TCF3: variants seen among roughly 807,000 people sequenced by gnomAD.
The protein encoded by TCF3 is transcription factor E2-alpha.
A neutral mutation model predicts 72.3 loss-of-function variants in TCF3; 54 were observed. That is an observed-to-expected ratio of 0.75 (90% CI 0.60 to 0.94). The LOEUF (loss-of-function observed/expected upper bound fraction) is 0.94. TCF3 is among the 40% of genes least tolerant of loss of function. The pLI, the probability that TCF3 is intolerant of heterozygous loss-of-function variation, is 0.00. For missense variants in TCF3, 1,078 were observed against 934.4 expected, an observed-to-expected ratio of 1.15 and a Z score of -2.00; for synonymous variants, 525 against 412.6, an observed-to-expected ratio of 1.27 and a Z score of -3.30.
In TCF3 at chr19:1,622,424, GGGTGGGC is replaced by G; in HGVS notation, c.550-16_550-10del. The G allele has an allele frequency of 2.1e-6, 3 of 1,404,168 alleles. No homozygotes were observed. The highest frequency in any genetic ancestry group is 2.8e-6 in the Non-Finnish European group (3 of 1,057,922). The allele number at this position is 1,404,168 out of a possible 1,614,324, so 87.0% of individuals were successfully genotyped here. ...GAGCTGGGTGGGTACACCTGCGGGC[GGGTGGGC>G]GGTGGGGGGTGCAGTCAGGACGGAG... is the stretch of plus-strand genomic sequence containing the variant. On this transcript the variant is annotated splice_polypyrimidine_tract_variant and intron_variant, in intron 8 of 18. Transcript: ENST00000262965.
At chr19:1,649,083 C>A (rs372988658) in intron 2 of TCF3, among the ~76,000 whole-genome samples, 1 of 152,210 alleles carries the variant, frequency 6.6e-6, no homozygotes, top group Non-Finnish European at 1.5e-5. Context: ...GAGAATGGGC[C>A]GTACAGGGAC....
intron 18 of TCF3, among the ~76,000 whole-genome samples, chr19:1,613,247 CTG>C (rs984964429): frequency 2.0e-5 from 3 of 152,148 alleles, no homozygotes; most frequent in Admixed American, 6.5e-5. Context: ...GGTGGGGCGC[CTG>C]TGTGTGTACG....
At chr19:1,631,924 C>A (rs754027657) in intron 5 of TCF3, 114 bp downstream of exon 5, 32 of 1,543,720 alleles carry the variant, frequency 2.1e-5, no homozygotes, top group Non-Finnish European at 2.6e-5. Flanking sequence ...GCTGTCCACA[C>A]CCTCTGGGTG....
rs551994289 is a variant in TCF3, at chr19:1,610,755, G to A, written c.*952C>T. 1 of 232,268 alleles carries A rather than the reference G, an allele frequency of 4.3e-6. No individual in the cohort carries two copies. The highest frequency in any genetic ancestry group is 2.2e-5 in the African/African-American group (1 of 45,330). The allele number at this position is 232,268 out of a possible 1,614,324, so 14.4% of individuals were successfully genotyped here. ...GCTGACGTCCCTTCCCCCAAGCCCA[G>A]GTCAGTCCCCTTCCTGAGGGGAGAG... On this transcript the variant is annotated 3_prime_UTR_variant, in exon 19 of 19. Transcript: ENST00000262965.
rs2066102662 is a variant in TCF3 at position 1,646,397 on chromosome 19, C to T, written c.103G>A (p.Gly35Ser). 1.3e-6 allele frequency: 2 copies of T among 1,550,308 alleles called. No homozygotes were observed. The highest frequency in any genetic ancestry group is 1.7e-6 in the Non-Finnish European group (2 of 1,146,704). Residue 35 changes from glycine (G) to serine (S), a missense_variant, in exon 3 of 19, where the codon GGC (glycine) becomes AGC (serine). By Grantham distance (56) the Gly-to-Ser change is moderately conservative. Transcript: ENST00000262965. ...MFPLPVTNGK[G>S]RPASLAGAQF... ...GCCCCGGCCAGGGAGGCGGGCCGGC[C>T]CTTCCCGTTGGTGACAGGCAGCGGG...
chr19:1,623,486 C>A (rs764884607), intron 8 of TCF3, among the ~76,000 whole-genome samples: 9 of 149,024 alleles, frequency 6.0e-5, no homozygotes, highest in African/African-American at 2.0e-4. Context: ...TGGGTTCAAA[C>A]GATTCTTCTG....
intron 16 of TCF3, among the ~76,000 whole-genome samples, chr19:1,616,888 AC>A (rs1260227023): frequency 6.6e-6 from 1 of 152,156 alleles, no homozygotes; most frequent in Non-Finnish European, 1.5e-5. Flanking sequence ...AATAGAAGAC[AC>A]CCACCACAGA....
At chr19:1,638,623 G>A (rs2064802431) in intron 3 of TCF3, among the ~76,000 whole-genome samples, 1 of 152,230 alleles carries the variant, frequency 6.6e-6, no homozygotes, top group Admixed American at 6.5e-5. Flanking sequence ...CCTTCTCACA[G>A]AAGGGGGCAG....
In TCF3 at chr19:1,652,602, G is replaced by A. The variant is rs1342781033; in HGVS notation, c.-342C>T. The A allele has an allele frequency of 6.8e-6, 1 of 148,058 alleles. No homozygotes were observed. Among genetic ancestry groups the A allele is most frequent in the Non-Finnish European group, 1.5e-5 (1 of 66,260 alleles). 9.2% of individuals were successfully genotyped at this position (148,058 alleles called of 1,614,324 possible). ...CGCCGCTGCCTCATCTTCCTGCGGC[G>A]GGAGACATGTTCCGCCCCCCGCCCG... is the stretch of plus-strand genomic sequence containing the variant. On this transcript the variant is annotated 5_prime_UTR_variant, in exon 1 of 19. Transcript: ENST00000262965.
intron 2 of TCF3, among the ~76,000 whole-genome samples, chr19:1,647,565 G>A (rs1008052952): frequency 6.6e-6 from 1 of 152,178 alleles, no homozygotes; most frequent in Non-Finnish European, 1.5e-5. Context: ...GCGGGTAGGG[G>A]TGGCACCCGC....
chr19:1,622,415 C>A lies in TCF3; in HGVS notation c.550G>T (p.Val184Leu), dbSNP rs2062353385. Residue 184 changes from valine (V) to leucine (L), a missense_variant and splice_region_variant, in exon 9 of 19, where the codon GTG (valine) becomes TTG (leucine). Transcript: ENST00000262965. Reference sequence around the variant, plus strand: ...TCCTCACCTGAGCTGGGTGGGTACACCTGCGGGCGGGTGGGCGGTGGGGGG... The same window carrying A: ...TCCTCACCTGAGCTGGGTGGGTACAACTGCGGGCGGGTGGGCGGTGGGGGG... Reference protein sequence around the residue: ...RKVPPGLPSSVYPPSSGEDYG... With the variant: ...RKVPPGLPSSLYPPSSGEDYG... 1.4e-6 allele frequency: 2 copies of A among 1,461,142 alleles called. No homozygotes were observed. The highest frequency in any genetic ancestry group is 2.6e-5 in the Admixed American group (1 of 38,974). The allele number at this position is 1,461,142 out of a possible 1,614,324, so 90.5% of individuals were successfully genotyped here.
rs1568482770 is a variant in TCF3, at chr19:1,642,166, GCACGCGT to G, written c.145+4182_145+4188del. Among the ~76,000 whole-genome samples, 77 of 135,210 alleles carry G rather than the reference GCACGCGT, an allele frequency of 5.7e-4. 1 individual carries two copies. The South Asian group carries it at 0.018, about 31-fold the overall frequency. The allele number at this position is 135,210 out of a possible 152,430, so 88.7% of individuals were successfully genotyped here. On this transcript the variant is annotated intron_variant, in intron 3 of 18. Coordinates refer to ENST00000262965, the MANE Select transcript of TCF3 (RefSeq NM_003200.5). ...CACACACACACACACACACACACAC[GCACGCGT>G]ACACACACGCACGCAGACACAGACG...
intron 18 of TCF3, 94 bp from the exon 19 acceptor site, chr19:1,611,943 G>A (rs1224062054): frequency 2.7e-6 from 1 of 364,938 alleles, no homozygotes; most frequent in Non-Finnish European, 5.0e-6. Flanking sequence ...GGGGGGGGGT[G>A]GGGGCAGAGC....
intron 3 of TCF3, among the ~76,000 whole-genome samples, chr19:1,644,556 C>T (rs1198598870): frequency 1.3e-5 from 2 of 152,210 alleles, no homozygotes; most frequent in Non-Finnish European, 2.9e-5. Flanking sequence ...TCCCAACCTG[C>T]AGCATTGGGG....
intron 2 of TCF3, among the ~76,000 whole-genome samples, chr19:1,647,125 C>T (rs923083570): frequency 5.9e-5 from 9 of 152,224 alleles, no homozygotes; most frequent in Non-Finnish European, 2.9e-5. Context: ...GCTGATCCAG[C>T]TCCTGGGTGC....
chr19:1,615,302 A>C lies in TCF3; in HGVS notation c.1805T>G (p.Leu602Trp). Reference sequence around the variant, plus strand: ...CCACTGACCTCGCACTTGCTGCTCCAAGTTCAGGATGACCGAGACAGCCTG... The same window carrying C: ...CCACTGACCTCGCACTTGCTGCTCCCAGTTCAGGATGACCGAGACAGCCTG... ...LHQAVSVILNLEQQVRERNLN... is the reference protein window; with the variant it reads ...LHQAVSVILNWEQQVRERNLN... The change falls in exon 18 of 19, where the codon TTG becomes TGG. Residue 602 changes from leucine to tryptophan, a missense_variant. Transcript: ENST00000262965. This position sits in a 1 kb window ranked among gnomAD's most constrained non-coding sequence, Gnocchi z 7.3. The C allele has an allele frequency of 6.3e-7, 1 of 1,596,494 alleles. No homozygotes were observed. The highest frequency in any genetic ancestry group is 8.6e-7 in the Non-Finnish European group (1 of 1,166,486).
chr19:1,651,891 C>T (rs2067151176), intron 1 of TCF3, among the ~76,000 whole-genome samples: 1 of 151,348 alleles, frequency 6.6e-6, no homozygotes, highest in African/African-American at 2.4e-5. Context: ...GCGCGCTCCC[C>T]ACCCCAAACT....
Position 1,615,355 on chromosome 19 carries a change from C to A in TCF3, c.1752G>T (p.Lys584Asn). 1 of 1,613,762 alleles carries A rather than the reference C, an allele frequency of 6.2e-7. No individual in the cohort carries two copies. The highest frequency in any genetic ancestry group is 8.5e-7 in the Non-Finnish European group (1 of 1,179,714). The part of the protein sequence containing the change: ...RMCQLHLNSE[K>N]PQTKLLILHQ... ...GCAGGATGAGCAGTTTGGTCTGGGG[C>A]TTCTCGCTGTTGAGGTGCAGTTGGC... The change falls in exon 18 of 19, where the codon AAG becomes AAT. Residue 584 changes from lysine to asparagine, a missense_variant. By Grantham distance (94) the Lys-to-Asn change is moderately conservative. Coordinates refer to ENST00000262965, the MANE Select transcript of TCF3 (RefSeq NM_003200.5). This position sits in a 1 kb window ranked among gnomAD's most constrained non-coding sequence, Gnocchi z 7.3.
chr19:1,612,027 G>A (rs1215147501), intron 18 of TCF3, among the ~76,000 whole-genome samples, 178 bp from the exon 19 acceptor site: 1 of 152,006 alleles, frequency 6.6e-6, no homozygotes, highest in Non-Finnish European at 1.5e-5. Context: ...TGGGGTGGAG[G>A]CTTGTAAAGA....
Sources: allele counts gnomAD v4.1 joint callset (sites outside exome capture counted in the v4.1 genomes callset), GRCh38; gene constraint gnomAD v4.1.1; non-coding constraint Gnocchi (gnomAD v3.1); transcripts MANE v1.5; gene names NCBI Gene and HGNC (gene_info 2026-07-23, HGNC 2026-07-21).